Variants in ARSK observed in about 807,000 individuals in gnomAD.
ARSK encodes arylsulfatase family member K, also known as arylsulfatase K.
Under a neutral mutation model 53.2 loss-of-function variants are expected in ARSK, and 37 were observed. That is an observed-to-expected ratio of 0.70 (90% CI 0.54 to 0.92). The LOEUF is 0.92. ARSK is among the 40% of genes least tolerant of loss of function. The pLI is 0.00. For synonymous variants in ARSK, 208 were observed against 223.2 expected, an observed-to-expected ratio of 0.93 and a Z score of 0.61; for missense variants, 613 against 643.0, an observed-to-expected ratio of 0.95 and a Z score of 0.51.
chr5:95,587,227 A>C (rs1212029242), intron 5 of ARSK, among the ~76,000 whole-genome samples: 1 of 152,170 alleles, frequency 6.6e-6, no homozygotes, highest in Non-Finnish European at 1.5e-5. Context: ...AATCATACCG[A>C]ATTTTCTTCC....
At chr5:95,591,312 C>A in intron 5 of ARSK, 89 bp from the exon 6 acceptor site, 1 of 1,110,916 alleles carries the variant, frequency 9.0e-7, no homozygotes, top group South Asian at 1.4e-5. Context: ...GTGACAAACT[C>A]TTATAGGGTA....
At position 95,604,457 on chromosome 5, in the gene ARSK, T is replaced by TATAA. The variant is rs1749466772; in HGVS notation, c.*931_*932insATAA. On this transcript the variant is annotated 3_prime_UTR_variant, in exon 8 of 8. Coordinates refer to ENST00000380009, the MANE Select transcript of ARSK (RefSeq NM_198150.3). ...GCATTTTTAGAGATTGGCCACAAATTTATAAACAAATGTATATATTCCTTT... is the reference window on the plus strand; with the variant it reads ...GCATTTTTAGAGATTGGCCACAAATTATAATATAAACAAATGTATATATTCCTTT... 1 of 152,150 alleles carries TATAA rather than the reference T, an allele frequency of 6.6e-6. No individual in the cohort carries two copies. The highest frequency in any genetic ancestry group is 2.1e-4 in the South Asian group (1 of 4,826). The allele number at this position is 152,150 out of a possible 1,614,324, so 9.4% of individuals were successfully genotyped here. A position where few individuals can be genotyped will look rare whatever the true frequency, so the allele number is the denominator to read the frequency against.
intron 5 of ARSK, among the ~76,000 whole-genome samples, chr5:95,589,119 A>G (rs1749169478): frequency 6.6e-6 from 1 of 152,120 alleles, no homozygotes; most frequent in African/African-American, 2.4e-5. Context: ...TTACCTCCTC[A>G]GGGATGTCTT....
rs956057283 is a variant in ARSK, at chr5:95,555,457, C to A, written c.126+53C>A. 7 of 1,541,882 alleles carry A rather than the reference C, an allele frequency of 4.5e-6. No individual in the cohort carries two copies. The East Asian group carries it at 1.7e-4, about 36-fold the overall frequency. On this transcript the variant is annotated intron_variant, in intron 1 of 7. Transcript: ENST00000380009. The surrounding 1 kb of genome is among the most constrained non-coding windows in gnomAD (Gnocchi z 4.0). ...GCCCCGCTGGGGATCGGCGACCTCA[C>A]CGCCGCCGCCTGTGCTGCAGGCTTT...
chr5:95,592,618 G>A (rs932220126), intron 6 of ARSK, among the ~76,000 whole-genome samples: 7 of 151,764 alleles, frequency 4.6e-5, no homozygotes, highest in African/African-American at 1.2e-4. Context: ...GTGCGATTTC[G>A]GCTCCCTGCA....
rs1380008748 is a variant in ARSK, at chr5:95,604,070, A to C, written c.*544A>C. ...TCTAACAATTTAGTGGAAGTATCAAAAGAATTGAAGCAAATACTGTAACAG... is the reference window on the plus strand; with the variant it reads ...TCTAACAATTTAGTGGAAGTATCAACAGAATTGAAGCAAATACTGTAACAG... On this transcript the variant is annotated 3_prime_UTR_variant, in exon 8 of 8. Transcript: ENST00000380009. 2 of 152,306 alleles carry C rather than the reference A, an allele frequency of 1.3e-5. No homozygotes were observed. Among genetic ancestry groups the C allele is most frequent in the East Asian group, 3.9e-4 (2 of 5,188 alleles). The allele number at this position is 152,306 out of a possible 1,614,324, so 9.4% of individuals were successfully genotyped here.
At chr5:95,582,679 ATCTT>A (rs1749037794) in intron 3 of ARSK, among the ~76,000 whole-genome samples, 1 of 152,212 alleles carries the variant, frequency 6.6e-6, no homozygotes, top group Non-Finnish European at 1.5e-5. Flanking sequence ...GTTCTACATA[ATCTT>A]TCATAGTTTT....
intron 1 of ARSK, 41 bp from the exon 2 acceptor site, chr5:95,565,957 T>C: frequency 6.5e-7 from 1 of 1,534,188 alleles, no homozygotes; most frequent in South Asian, 1.2e-5. Context: ...TTTTCTTCTT[T>C]GGTAATGTAA....
rs780548129 is a variant in ARSK, at chr5:95,555,423, G to A, written c.126+19G>A. The A allele has an allele frequency of 3.8e-6, 6 of 1,589,126 alleles. No homozygotes were observed. The highest frequency in any genetic ancestry group is 2.2e-4 in the Middle Eastern group (1 of 4,640). On this transcript the variant is annotated intron_variant, in intron 1 of 7. Transcript: ENST00000380009. The surrounding 1 kb of genome is among the most constrained non-coding windows in gnomAD (Gnocchi z 4.0). ...CTCCTTCGTAAGTACCGCGAGGCAG[G>A]GGAGGGGCGCCCCGCTGGGGATCGG...
At chr5:95,578,707 T>G (rs1265567658) in intron 3 of ARSK, among the ~76,000 whole-genome samples, 1 of 152,172 alleles carries the variant, frequency 6.6e-6, no homozygotes, top group Non-Finnish European at 1.5e-5. Context: ...AGCTGAAGGT[T>G]TATGTTTAGG....
chr5:95,572,638 C>T (rs1405357170), intron 3 of ARSK, among the ~76,000 whole-genome samples: 3 of 152,094 alleles, frequency 2.0e-5, no homozygotes, highest in Non-Finnish European at 4.4e-5. Context: ...ATTAGCCGGG[C>T]GTGGTGGCGG....
At chr5:95,571,896 C>T (rs1748837843) in intron 3 of ARSK, among the ~76,000 whole-genome samples, 1 of 152,186 alleles carries the variant, frequency 6.6e-6, no homozygotes, top group South Asian at 2.1e-4. Context: ...CAGAACAAAA[C>T]ATGGTCTCTC....
intron 3 of ARSK, among the ~76,000 whole-genome samples, chr5:95,575,199 C>T (rs1209022600): frequency 6.6e-6 from 1 of 152,070 alleles, no homozygotes; most frequent in Non-Finnish European, 1.5e-5. Flanking sequence ...TTCCATTGGT[C>T]TTACGTGTCT....
rs978850766 is a variant in ARSK, at chr5:95,587,544, A to G, written c.871+811A>G. ...AAAAAAATTCACTGGGTAAAAATAG[A>G]AAAGTATACAGCAAGAAGCAAAAAG... On this transcript the variant is annotated intron_variant, in intron 5 of 7. Coordinates refer to ENST00000380009, the MANE Select transcript of ARSK (RefSeq NM_198150.3). Among the ~76,000 whole-genome samples the G allele has an allele frequency of 2.0e-4, 30 of 152,222 alleles. 1 individual carries two copies. The highest frequency in any genetic ancestry group is 4.1e-4 in the South Asian group (2 of 4,838).
chr5:95,577,254 A>G (rs188079957), intron 3 of ARSK, among the ~76,000 whole-genome samples: 4 of 152,370 alleles, frequency 2.6e-5, no homozygotes, highest in Admixed American at 2.6e-4. Flanking sequence ...TGTAAATGTT[A>G]TAGTCAAATT....
chr5:95,573,318 T>A (rs1047444535), intron 3 of ARSK, among the ~76,000 whole-genome samples: 11 of 152,186 alleles, frequency 7.2e-5, no homozygotes, highest in Non-Finnish European at 1.2e-4. Flanking sequence ...CGGAAAATTT[T>A]AAAAACTAAA....
intron 6 of ARSK, among the ~76,000 whole-genome samples, chr5:95,596,321 G>A (rs1332653280): frequency 6.6e-6 from 1 of 152,132 alleles, no homozygotes; most frequent in Non-Finnish European, 1.5e-5. Flanking sequence ...GCTTAAAATA[G>A]ATATAAGCAA....
At chr5:95,570,185 AT>A (rs977040178) in intron 3 of ARSK, among the ~76,000 whole-genome samples, 2 of 152,204 alleles carry the variant, frequency 1.3e-5, no homozygotes, top group African/African-American at 4.8e-5. Flanking sequence ...GTTAGTTAAA[AT>A]CCCAAATCCA....
intron 3 of ARSK, chr5:95,580,851 C>T: frequency 8.5e-7 from 1 of 1,182,684 alleles, no homozygotes; most frequent in Non-Finnish European, 1.1e-6. Context: ...TGTTCTTCCT[C>T]ACTAATTTGC....
Sources: allele counts gnomAD v4.1 joint callset (sites outside exome capture counted in the v4.1 genomes callset), GRCh38; gene constraint gnomAD v4.1.1; non-coding constraint Gnocchi (gnomAD v3.1); transcripts MANE v1.5; gene names NCBI Gene and HGNC (gene_info 2026-07-23, HGNC 2026-07-21).